Variants in CCDC138 observed in about 807,000 individuals in gnomAD.
The protein encoded by CCDC138 is coiled-coil domain containing 138, also known as coiled-coil domain-containing protein 138.
CCDC138 carries 66 observed loss-of-function variants against 82.3 expected under a neutral mutation model. That is an observed-to-expected ratio of 0.80 (90% CI 0.66 to 0.98). The LOEUF (loss-of-function observed/expected upper bound fraction) is 0.98, where lower values mean the gene tolerates loss of function less well. CCDC138 is among the 50% of genes least tolerant of loss of function. The pLI is 0.00. For missense variants in CCDC138, 816 were observed against 758.9 expected, an observed-to-expected ratio of 1.08 and a Z score of -0.88; for synonymous variants, 297 against 265.4, an observed-to-expected ratio of 1.12 and a Z score of -1.16.
intron 10 of CCDC138, among the ~76,000 whole-genome samples, chr2:108,838,626 T>C (rs1389921775): frequency 2.0e-5 from 3 of 152,152 alleles, no homozygotes; most frequent in Admixed American, 6.5e-5. Context: ...TTCATAGACA[T>C]CCTTAAACAG....
At chr2:108,819,497 G>A (rs1460121803) in intron 10 of CCDC138, among the ~76,000 whole-genome samples, 1 of 152,110 alleles carries the variant, frequency 6.6e-6, no homozygotes, top group Non-Finnish European at 1.5e-5. Context: ...CAGCACGTAA[G>A]AGCTGCGGAG....
At chr2:108,788,812 T>C in intron 2 of CCDC138, 40 bp from the exon 3 acceptor site, 7 of 1,612,300 alleles carry the variant, frequency 4.3e-6, no homozygotes, top group South Asian at 1.1e-5. Context: ...TTGTGATATA[T>C]TGTTGTGGTA....
chr2:108,851,714 A>G (rs919888765), intron 12 of CCDC138, among the ~76,000 whole-genome samples: 3 of 152,178 alleles, frequency 2.0e-5, no homozygotes, highest in Non-Finnish European at 4.4e-5. Context: ...AAAGTCCAGG[A>G]AAGATTAGAG....
chr2:108,827,454 G>T lies in CCDC138; in HGVS notation c.1206+11349G>T, dbSNP rs2150163992. Among the ~76,000 whole-genome samples the T allele has an allele frequency of 2.0e-5, 3 of 152,288 alleles. No homozygotes were observed. The Middle Eastern group carries it at 0.01, about 518-fold the overall frequency. ...CTTAATTGGATAATCAAGGGATTTT[G>T]CATGTGCTGGATAGGAAGATTTATT... is the stretch of plus-strand genomic sequence containing the variant. On this transcript the variant is annotated intron_variant, in intron 10 of 14. Transcript: ENST00000295124.
chr2:108,838,747 A>G (rs1365653716), intron 10 of CCDC138, among the ~76,000 whole-genome samples: 1 of 152,178 alleles, frequency 6.6e-6, no homozygotes, highest in East Asian at 1.9e-4. Context: ...ATCCTTTCAT[A>G]TATCTTTTTC....
chr2:108,861,917 A>AT (rs916111645), intron 13 of CCDC138, among the ~76,000 whole-genome samples: 16 of 151,744 alleles, frequency 1.1e-4, no homozygotes, highest in Admixed American at 3.9e-4. Context: ...GTTTCAAAGA[A>AT]TTTTTTTTTA....
intron 9 of CCDC138, among the ~76,000 whole-genome samples, chr2:108,814,839 T>C (rs1684488354): frequency 6.6e-6 from 1 of 151,908 alleles, no homozygotes; most frequent in East Asian, 1.9e-4. Flanking sequence ...TTTCACCATG[T>C]TGGCTAGGCT....
At position 108,876,086 on chromosome 2, in the gene CCDC138, A is replaced by G; in HGVS notation, c.1833-2A>G. 6.4e-7 allele frequency: 1 copy of G among 1,564,868 alleles called. No homozygotes were observed. The highest frequency in any genetic ancestry group is 8.8e-7 in the Non-Finnish European group (1 of 1,140,306). On this transcript the variant is annotated splice_acceptor_variant, in intron 14 of 14. Transcript: ENST00000295124. LOFTEE classifies it high-confidence loss of function. ...TAAATAATGTATTCATTTTTTTTAC[A>G]GGAGTAATAAGAAGCTCTTTGAACT... is the stretch of plus-strand genomic sequence containing the variant.
At chr2:108,878,050 T>C (rs988940193), downstream of CCDC138, among the ~76,000 whole-genome samples, 2 of 152,238 alleles carry the variant, frequency 1.3e-5, no homozygotes, top group African/African-American at 4.8e-5. Context: ...TGAGAAATTA[T>C]ACCACTTACG....
Position 108,794,556 on chromosome 2 carries a change from T to C in CCDC138, c.411T>C (p.Asn137=). The change falls in exon 5 of 15, where the codon AAT becomes AAC. Residue 137 remains asparagine, a synonymous_variant. Coordinates refer to ENST00000295124, the MANE Select transcript of CCDC138 (RefSeq NM_144978.3). ...KEIEKVALPT[N]TTSSRPRTEC... ...TCTTTGCAGTTGCCTTGCCAACTAA[T>C]ACGACCTCATCGAGACCTCGGACTG... 1.2e-6 allele frequency: 2 copies of C among 1,610,636 alleles called. No individual in the cohort carries two copies. Among genetic ancestry groups the C allele is most frequent in the Non-Finnish European group, 1.7e-6 (2 of 1,178,742 alleles).
At chr2:108,813,760 A>C (rs191725760) in intron 9 of CCDC138, among the ~76,000 whole-genome samples, 176 of 152,342 alleles carry the variant, frequency 1.2e-3, no homozygotes, top group Admixed American at 6.6e-3. Flanking sequence ...ACTTTCCACT[A>C]TCCTAGAAAG....
intron 12 of CCDC138, among the ~76,000 whole-genome samples, chr2:108,848,690 A>G (rs36034744): frequency 1.3e-5 from 2 of 152,324 alleles, no homozygotes; most frequent in East Asian, 1.9e-4. Context: ...ATGATTTATA[A>G]CAAGTAAAAC....
At chr2:108,854,094 A>ATATAT (rs1692222948) in intron 12 of CCDC138, among the ~76,000 whole-genome samples, 1 of 133,154 alleles carries the variant, frequency 7.5e-6, no homozygotes. Flanking sequence ...AATTTATATT[A>ATATAT]TATATATAAT....
At chr2:108,839,370 C>A in intron 11 of CCDC138, 69 bp downstream of exon 11, 1 of 1,306,798 alleles carries the variant, frequency 7.7e-7, no homozygotes, top group Non-Finnish European at 1.1e-6. Flanking sequence ...TCTTGTTTCA[C>A]AATATCTGTT....
intron 10 of CCDC138, among the ~76,000 whole-genome samples, chr2:108,828,089 A>G (rs2150179615): frequency 6.6e-6 from 1 of 152,278 alleles, no homozygotes; most frequent in South Asian, 2.1e-4. Flanking sequence ...GAATTATTTC[A>G]TAAATGTATC....
chr2:108,804,931 GA>G lies in CCDC138; in HGVS notation c.782del (p.Lys261ArgfsTer8). On this transcript the variant is annotated frameshift_variant, in exon 7 of 15. Coordinates refer to ENST00000295124, the MANE Select transcript of CCDC138 (RefSeq NM_144978.3). LOFTEE classifies it high-confidence loss of function. ...TGAACACTTAACCGAAGTTCTTAAG[GA>G]AAAGAATAAAGAAACCAAGAGACTG... ...EVEHLTEVLK[E>X]KNKETKRLRS... 1.9e-6 allele frequency: 3 copies of G among 1,570,038 alleles called. No homozygotes were observed. Among genetic ancestry groups the G allele is most frequent in the Non-Finnish European group, 1.7e-6 (2 of 1,164,074 alleles).
At chr2:108,825,044 A>T (rs113401183) in intron 10 of CCDC138, among the ~76,000 whole-genome samples, 1 of 152,242 alleles carries the variant, frequency 6.6e-6, no homozygotes, top group African/African-American at 2.4e-5. Flanking sequence ...AATTACCTGT[A>T]AAGTATTCCT....
At chr2:108,869,026 A>G (rs529003225) in intron 13 of CCDC138, among the ~76,000 whole-genome samples, 17 of 152,246 alleles carry the variant, frequency 1.1e-4, no homozygotes, top group South Asian at 6.2e-4. Flanking sequence ...CTTTATAAAA[A>G]TTTTGTTTTG....
intron 5 of CCDC138, among the ~76,000 whole-genome samples, chr2:108,797,489 G>C (rs549442584): frequency 1.3e-5 from 2 of 152,276 alleles, no homozygotes; most frequent in East Asian, 3.9e-4. Flanking sequence ...GAGTGATTCT[G>C]AAATGAGAGA....
Sources: gnomAD v4.1 joint callset for allele counts (sites outside exome capture counted in the v4.1 genomes callset) on GRCh38, gnomAD v4.1.1 for gene constraint, MANE v1.5 for transcripts, NCBI Gene and HGNC (gene_info 2026-07-23, HGNC 2026-07-21) for gene names.